ZNF366: variants seen among roughly 807,000 people sequenced by gnomAD.
The protein encoded by ZNF366 is zinc finger protein 366, also known as dendritic cell-specific transcript protein.
Under a neutral mutation model 47.2 loss-of-function variants are expected in ZNF366, and 20 were observed. The observed-to-expected ratio is 0.42, with a 90% CI of 0.30 to 0.62. The LOEUF (loss-of-function observed/expected upper bound fraction) is 0.62. Among genes scored for constraint, ZNF366 ranks in the 20% least tolerant of loss-of-function variants. The pLI, the probability that ZNF366 is intolerant of heterozygous loss-of-function variation, is 0.16. For synonymous variants in ZNF366, 421 were observed against 395.1 expected (o/e 1.07, Z -0.78); for missense variants, 987 against 976.3 (o/e 1.01, Z -0.15).
At chr5:72,475,770 A>C (rs533234803) in intron 1 of ZNF366, among the ~76,000 whole-genome samples, 2 of 152,200 alleles carry the variant, frequency 1.3e-5, no homozygotes, top group Non-Finnish European at 2.9e-5. Context: ...TGAGGGTAAG[A>C]CATGCCCTCT....
rs1370392034 is a variant in ZNF366 at position 72,440,875 on chromosome 5, C to G, written c.*2881G>C. ...TAGATCTAATTAAGTGTCTTATGCC[C>G]AGAGTCAACAACTAAAAACAGGCCC... On this transcript the variant is annotated 3_prime_UTR_variant, in exon 5 of 5. Coordinates refer to ENST00000318442, the MANE Select transcript of ZNF366 (RefSeq NM_152625.3). The G allele has an allele frequency of 6.6e-6, 1 of 152,154 alleles. No individual in the cohort carries two copies. The highest frequency in any genetic ancestry group is 1.5e-5 in the Non-Finnish European group (1 of 68,032). The allele number at this position is 152,154 out of a possible 1,614,324, so 9.4% of individuals were successfully genotyped here.
chr5:72,473,359 A>T (rs1222645573), intron 1 of ZNF366, among the ~76,000 whole-genome samples: 2 of 152,240 alleles, frequency 1.3e-5, no homozygotes, highest in Non-Finnish European at 2.9e-5. Context: ...TACTTGGTTA[A>T]GAAAATGTAT....
At position 72,460,231 on chromosome 5, in the gene ZNF366, G is replaced by A. The variant is rs770873073; in HGVS notation, c.1266C>T (p.Ile422=). 2.2e-5 allele frequency: 36 copies of A among 1,614,152 alleles called. No homozygotes were observed. Among genetic ancestry groups the A allele is most frequent in the South Asian group, 7.7e-5 (7 of 91,086 alleles). Residue 422 remains isoleucine (I), a synonymous_variant, in exon 2 of 5, where the codon ATC becomes ATT. Transcript: ENST00000318442. The part of the protein sequence containing the change: ...MMKHKDIRPY[I]CSECGMEFVQ... ...CAAACTCCATGCCACACTCTGAGCA[G>A]ATGTAGGGCCGGATGTCCTTGTGCT...
intron 3 of ZNF366, among the ~76,000 whole-genome samples, chr5:72,450,984 G>A (rs940405660): frequency 6.6e-6 from 1 of 152,210 alleles, no homozygotes; most frequent in African/African-American, 2.4e-5. Flanking sequence ...CGAGAGGGAG[G>A]AGGAATGGAT....
intron 1 of ZNF366, among the ~76,000 whole-genome samples, chr5:72,498,681 A>G (rs1744156915): frequency 6.6e-6 from 1 of 152,240 alleles, no homozygotes; most frequent in South Asian, 2.1e-4. Flanking sequence ...ATCAGATACT[A>G]CATTCTTGAG....
chr5:72,464,864 G>A (rs902919945), intron 1 of ZNF366, among the ~76,000 whole-genome samples: 1 of 152,072 alleles, frequency 6.6e-6, no homozygotes, highest in African/African-American at 2.4e-5. Context: ...TTTGAGACCA[G>A]CCTGGCCAAG....
At chr5:72,444,861 AAGG>A (rs751696167) in intron 4 of ZNF366, among the ~76,000 whole-genome samples, 3 of 152,176 alleles carry the variant, frequency 2.0e-5, no homozygotes, top group Non-Finnish European at 4.4e-5. Flanking sequence ...AAATATTTGG[AAGG>A]AGGGATGTCA....
At chr5:72,480,377 T>G (rs1057232484) in intron 1 of ZNF366, among the ~76,000 whole-genome samples, 2 of 152,196 alleles carry the variant, frequency 1.3e-5, no homozygotes, top group African/African-American at 4.8e-5. Flanking sequence ...TTCCCGTAAC[T>G]TATTTTCTGT....
chr5:72,461,034 T>C lies in ZNF366; in HGVS notation c.463A>G (p.Ile155Val), dbSNP rs200395762. 3 of 1,613,988 alleles carry C rather than the reference T, an allele frequency of 1.9e-6. No individual in the cohort carries two copies. The highest frequency in any genetic ancestry group is 1.7e-6 in the Non-Finnish European group (2 of 1,180,034). ...TGGGGCCACACGGCGCTGGGCTTAA[T>C]GGGTTCCTGCTTGACGGGCTTGCCC... ...FGGKPVKQEP[I>V]KPSAVWPQPT... is the part of the protein sequence containing the mutation. The change falls in exon 2 of 5, where the codon ATT becomes GTT. Residue 155 changes from isoleucine (I) to valine (V), a missense_variant. Transcript: ENST00000318442.
intron 2 of ZNF366, among the ~76,000 whole-genome samples, chr5:72,456,950 T>C (rs1486321457): frequency 1.3e-5 from 2 of 152,126 alleles, no homozygotes; most frequent in African/African-American, 4.8e-5. Flanking sequence ...TATGAGTCCA[T>C]AATCCAGCTT....
intron 1 of ZNF366, among the ~76,000 whole-genome samples, chr5:72,505,025 A>T (rs1054314602): frequency 6.6e-6 from 1 of 152,226 alleles, no homozygotes; most frequent in Non-Finnish European, 1.5e-5. Flanking sequence ...CAGCACACAG[A>T]TCTACAGGAC....
chr5:72,454,000 T>G (rs1743130764), intron 3 of ZNF366, among the ~76,000 whole-genome samples: 1 of 152,188 alleles, frequency 6.6e-6, no homozygotes, highest in African/African-American at 2.4e-5. Context: ...GAAGCAACCT[T>G]TGCAAATGAC....
chr5:72,445,209 A>G (rs1454391408), intron 4 of ZNF366, among the ~76,000 whole-genome samples: 2 of 152,076 alleles, frequency 1.3e-5, no homozygotes, highest in African/African-American at 4.8e-5. Flanking sequence ...GGCTGTAGGG[A>G]TGGGCTTTTC....
At chr5:72,500,669 T>C (rs1208624534) in intron 1 of ZNF366, among the ~76,000 whole-genome samples, 1 of 152,194 alleles carries the variant, frequency 6.6e-6, no homozygotes, top group Non-Finnish European at 1.5e-5. Context: ...AGTTAACAAA[T>C]GGCTTTGTAA....
chr5:72,483,858 C>G (rs1743835144), intron 1 of ZNF366, among the ~76,000 whole-genome samples: 1 of 152,080 alleles, frequency 6.6e-6, no homozygotes, highest in African/African-American at 2.4e-5. Flanking sequence ...GTTTTTTCAT[C>G]TGTACCATGA....
chr5:72,449,591 A>G (rs1012094286), intron 3 of ZNF366, among the ~76,000 whole-genome samples: 5 of 152,184 alleles, frequency 3.3e-5, no homozygotes, highest in Admixed American at 2.0e-4. Context: ...GTCACGGGTC[A>G]TTTTTAGAAA....
At chr5:72,466,505 G>A (rs1342421249) in intron 1 of ZNF366, among the ~76,000 whole-genome samples, 1 of 152,144 alleles carries the variant, frequency 6.6e-6, no homozygotes, top group African/African-American at 2.4e-5. Flanking sequence ...AATAGTGCTG[G>A]GTCAACACTA....
At chr5:72,482,376 T>C (rs1349041338) in intron 1 of ZNF366, among the ~76,000 whole-genome samples, 1 of 152,108 alleles carries the variant, frequency 6.6e-6, no homozygotes, top group Non-Finnish European at 1.5e-5. Context: ...GGTCCCAGGC[T>C]CAACGTATTT....
chr5:72,507,382 G>A lies in ZNF366; in HGVS notation c.-146C>T, dbSNP rs998697455. 1.0e-6 allele frequency: 1 copy of A among 985,378 alleles called. No individual in the cohort carries two copies. Among genetic ancestry groups the A allele is most frequent in the Non-Finnish European group, 1.2e-6 (1 of 829,964 alleles). The allele number at this position is 985,378 out of a possible 1,614,324, so 61.0% of individuals were successfully genotyped here. A position where few individuals can be genotyped will look rare whatever the true frequency, so the allele number is the denominator to read the frequency against. ...GCAGGGAACTTAAAGAACTCGCAGG[G>A]ACAGTGTTTCGAATGACTTAAGAAA... is the stretch of plus-strand genomic sequence containing the variant. On this transcript the variant is annotated 5_prime_UTR_variant, in exon 1 of 5. Coordinates refer to ENST00000318442, the MANE Select transcript of ZNF366 (RefSeq NM_152625.3).
Sources: allele counts gnomAD v4.1 joint callset (sites outside exome capture counted in the v4.1 genomes callset), GRCh38; gene constraint gnomAD v4.1.1; transcripts MANE v1.5; gene names NCBI Gene and HGNC (gene_info 2026-07-23, HGNC 2026-07-21).